GABRB3: variants seen among roughly 807,000 people sequenced by gnomAD.
GABRB3 encodes gamma-aminobutyric acid receptor subunit beta-3.
A neutral mutation model predicts 52.1 loss-of-function variants in GABRB3; 14 were observed. That is an observed-to-expected ratio of 0.27 (90% confidence interval 0.18 to 0.42). The LOEUF is 0.42. GABRB3 is among the 10% of genes least tolerant of loss of function. GABRB3 has a pLI of 1.00. For synonymous variants in GABRB3, 260 were observed against 232.3 expected (o/e 1.12, Z -1.08); for missense variants, 307 against 609.1 (o/e 0.50, Z 5.22).
chr15:26,691,529 T>C (rs1888588227), intron 3 of GABRB3, among the ~76,000 whole-genome samples: 1 of 151,954 alleles, frequency 6.6e-6, no homozygotes. Flanking sequence ...GGAGGATAGA[T>C]AGGAAGCGAA....
chr15:26,632,756 C>A (rs1476993130), intron 3 of GABRB3, among the ~76,000 whole-genome samples: 5 of 152,176 alleles, frequency 3.3e-5, no homozygotes, highest in African/African-American at 9.6e-5. Context: ...GGAAAGTTAT[C>A]TAATTATTCT....
intron 3 of GABRB3, among the ~76,000 whole-genome samples, chr15:26,633,454 C>A (rs541256948): frequency 6.6e-6 from 1 of 152,210 alleles, no homozygotes; most frequent in Non-Finnish European, 1.5e-5. Flanking sequence ...TATTACGAAC[C>A]TTGTTTTTAG....
At chr15:26,602,532 G>A (rs1052146591) in intron 4 of GABRB3, among the ~76,000 whole-genome samples, 3 of 151,968 alleles carry the variant, frequency 2.0e-5, no homozygotes, top group South Asian at 4.1e-4. Flanking sequence ...AGTTTAAAAC[G>A]TTGAAAGAAA....
At chr15:26,574,759 T>TG (rs11444232) in intron 6 of GABRB3, among the ~76,000 whole-genome samples, 66,718 of 151,940 alleles carry the variant, frequency 0.44, 17,769 homozygotes, top group East Asian at 0.84. Flanking sequence ...AGACTGCTAA[T>TG]GGATACAGGG....
At chr15:26,656,725 T>C (rs1368016929) in intron 3 of GABRB3, among the ~76,000 whole-genome samples, 3 of 152,162 alleles carry the variant, frequency 2.0e-5, no homozygotes, top group Non-Finnish European at 4.4e-5. Context: ...TGATCTGAGG[T>C]GGAATAGTTT....
intron 3 of GABRB3, among the ~76,000 whole-genome samples, chr15:26,633,245 G>C (rs538947517): frequency 7.9e-5 from 12 of 152,090 alleles, no homozygotes; most frequent in African/African-American, 2.4e-4. Flanking sequence ...GAATTACTTT[G>C]AAATTATAAA....
chr15:26,588,446 G>C (rs142539834), intron 4 of GABRB3, among the ~76,000 whole-genome samples: 27 of 152,296 alleles, frequency 1.8e-4, no homozygotes, highest in Non-Finnish European at 3.2e-4. Flanking sequence ...AGTGAACCAA[G>C]GTTTGGAAAG....
intron 3 of GABRB3, among the ~76,000 whole-genome samples, chr15:26,680,583 G>A (rs1301993171): frequency 6.6e-6 from 1 of 152,100 alleles, no homozygotes; most frequent in Non-Finnish European, 1.5e-5. Context: ...TTACCTTTCA[G>A]AGTAAAAATT....
chr15:26,695,420 C>T (rs981185065), intron 3 of GABRB3, among the ~76,000 whole-genome samples: 4 of 118,932 alleles, frequency 3.4e-5, no homozygotes, highest in Non-Finnish European at 1.9e-5. Context: ...CTTTCAGAAA[C>T]CATGAAAACA....
At chr15:26,588,385 C>T (rs1365597593) in intron 4 of GABRB3, among the ~76,000 whole-genome samples, 2 of 152,182 alleles carry the variant, frequency 1.3e-5, no homozygotes, top group Non-Finnish European at 2.9e-5. Context: ...TTTACTCTCA[C>T]AACAACCATA....
chr15:26,554,161 G>GTGTATA (rs1555400843), intron 8 of GABRB3, among the ~76,000 whole-genome samples: 2 of 21,242 alleles, frequency 9.4e-5, no homozygotes, highest in African/African-American at 2.0e-4. Flanking sequence ...TATATATAAA[G>GTGTATA]TATATATATA....
chr15:26,623,105 TA>T (rs1233416025), intron 3 of GABRB3, among the ~76,000 whole-genome samples: 1 of 152,136 alleles, frequency 6.6e-6, no homozygotes, highest in South Asian at 2.1e-4. Context: ...CAGGTGACAC[TA>T]AAGATAACCC....
chr15:26,567,855 C>A, intron 6 of GABRB3, 122 bp from the exon 7 acceptor site: 3 of 913,050 alleles, frequency 3.3e-6, no homozygotes, highest in Non-Finnish European at 5.3e-6. Flanking sequence ...GGGTGACCCA[C>A]CACCAAGCAG....
intron 3 of GABRB3, among the ~76,000 whole-genome samples, chr15:26,765,150 A>T (rs541511717): frequency 5.4e-4 from 69 of 127,182 alleles, no homozygotes; most frequent in South Asian, 1.3e-3. Flanking sequence ...AAAAAAGTCA[A>T]AACTTCCCTA....
Position 26,544,381 on chromosome 15 carries a change from CTG to C in GABRB3, c.*3410_*3411del, listed in dbSNP as rs1290791214. 2 of 152,576 alleles carry C rather than the reference CTG, an allele frequency of 1.3e-5. No individual in the cohort carries two copies. The highest frequency in any genetic ancestry group is 2.9e-5 in the Non-Finnish European group (2 of 68,028). The allele number at this position is 152,576 out of a possible 1,614,324, so 9.5% of individuals were successfully genotyped here. On this transcript the variant is annotated 3_prime_UTR_variant, in exon 9 of 9. Coordinates refer to ENST00000311550, the MANE Select transcript of GABRB3 (RefSeq NM_000814.6). ...GATCTCCTCAGTAAAAATGTCAACGCTGTGTTTGGACAAGAGAGAAGTGCCTT... is the reference window on the plus strand; with the variant it reads ...GATCTCCTCAGTAAAAATGTCAACGCTGTTTGGACAAGAGAGAAGTGCCTT...
intron 3 of GABRB3, among the ~76,000 whole-genome samples, chr15:26,713,126 A>C (rs920230201): frequency 6.6e-6 from 1 of 152,162 alleles, no homozygotes; most frequent in Non-Finnish European, 1.5e-5. Context: ...AGGACGAGGA[A>C]ACGGTCGGGG....
intron 8 of GABRB3, among the ~76,000 whole-genome samples, chr15:26,560,505 G>C (rs1031848892): frequency 1.3e-5 from 2 of 152,154 alleles, no homozygotes; most frequent in African/African-American, 4.8e-5. Flanking sequence ...TGTTTTAAGG[G>C]GCTTACTGGT....
intron 3 of GABRB3, among the ~76,000 whole-genome samples, chr15:26,731,043 T>C (rs1889896055): frequency 6.8e-6 from 1 of 147,150 alleles, no homozygotes; most frequent in African/African-American, 2.6e-5. Flanking sequence ...CCAGTATTAA[T>C]GATGCAGGCT....
At chr15:26,575,523 T>TA (rs1186824278) in intron 6 of GABRB3, among the ~76,000 whole-genome samples, 2 of 152,216 alleles carry the variant, frequency 1.3e-5, no homozygotes, top group African/African-American at 4.8e-5. Context: ...TCTATACCTC[T>TA]AGTAGATAGT....
Sources: allele counts gnomAD v4.1 joint callset (sites outside exome capture counted in the v4.1 genomes callset), GRCh38; gene constraint gnomAD v4.1.1; transcripts MANE v1.5; gene names NCBI Gene and HGNC (gene_info 2026-07-23, HGNC 2026-07-21).